The following CDH4 variants were observed in gnomAD, a reference collection of about 807,000 sequenced individuals.
CDH4 encodes the protein cadherin-4.
CDH4 carries 33 observed loss-of-function variants against 86.0 expected under a neutral mutation model. That is an observed-to-expected ratio of 0.38 (90% CI 0.29 to 0.51). The LOEUF is 0.51. Ranked by LOEUF, CDH4 falls within the 20% of genes least tolerant of loss-of-function variation. The pLI is 0.86. For missense variants in CDH4, 1,114 were observed against 1,307.4 expected, an observed-to-expected ratio of 0.85 and a Z score of 2.28; for synonymous variants, 555 against 549.4, an observed-to-expected ratio of 1.01 and a Z score of -0.14.
chr20:61,597,482 C>T (rs946438135), intron 2 of CDH4, among the ~76,000 whole-genome samples: 2 of 152,260 alleles, frequency 1.3e-5, no homozygotes, highest in Admixed American at 6.5e-5. Flanking sequence ...GTACAGATTC[C>T]CCAATACCCC....
chr20:61,852,305 C>T (rs1260369366), intron 5 of CDH4, among the ~76,000 whole-genome samples: 6 of 151,882 alleles, frequency 4.0e-5, no homozygotes, highest in African/African-American at 1.4e-4. Flanking sequence ...CCCATCTCCC[C>T]TGGGGACTAA....
At chr20:61,476,728 G>A (rs1221933630) in intron 2 of CDH4, among the ~76,000 whole-genome samples, 2 of 152,170 alleles carry the variant, frequency 1.3e-5, no homozygotes, top group Admixed American at 6.5e-5. Context: ...TACCTTTATC[G>A]CTGTAAACTT....
chr20:61,844,904 AG>A, intron 5 of CDH4, 81 bp downstream of exon 5: 1 of 1,411,418 alleles, frequency 7.1e-7, no homozygotes, highest in East Asian at 2.4e-5. Context: ...TGCCCCCAGC[AG>A]GGCCATGCCT....
At chr20:61,410,715 T>C (rs1247477450) in intron 2 of CDH4, among the ~76,000 whole-genome samples, 1 of 150,544 alleles carries the variant, frequency 6.6e-6, no homozygotes. Flanking sequence ...ATCCATCCAT[T>C]CATCCATCCA....
In CDH4 at chr20:61,901,720, G is replaced by A. The variant is rs74976100; in HGVS notation, c.1188+6673G>A. 9.8e-3 allele frequency among the ~76,000 whole-genome samples: 1,498 copies of A among 152,330 alleles called. 45 individuals carry two copies. Among genetic ancestry groups the A allele is most frequent in the Admixed American group, 0.044 (672 of 15,308 alleles). On this transcript the variant is annotated intron_variant, in intron 8 of 15. Transcript: ENST00000614565. ...CGTCAAGGCCTCATTAGGACCAGCC[G>A]GACGCTTCTGAGTAAGCGGCAGCTC...
intron 2 of CDH4, among the ~76,000 whole-genome samples, chr20:61,665,175 C>G (rs2087308965): frequency 6.6e-6 from 1 of 152,234 alleles, no homozygotes; most frequent in Admixed American, 6.5e-5. Context: ...GTCTGTTGAG[C>G]TGATAGTGGC....
Position 61,418,224 on chromosome 20 carries a change from TCCC to T in CDH4, c.169+163288_169+163290del, listed in dbSNP as rs1311984728. Among the ~76,000 whole-genome samples, 32 of 118,068 alleles carry T rather than the reference TCCC, an allele frequency of 2.7e-4. No individual in the cohort carries two copies. The Middle Eastern group carries it at 0.014, about 52-fold the overall frequency. The allele number at this position is 118,068 out of a possible 152,430, so 77.5% of individuals were successfully genotyped here. ...TCTTTTTTTTCTTTTTTTTTTTTTT[TCCC>T]TGAGACAGAGTCTCGCTCTGTCCCC... On this transcript the variant is annotated intron_variant, in intron 2 of 15. Coordinates refer to ENST00000614565, the MANE Select transcript of CDH4 (RefSeq NM_001794.5).
At chr20:61,595,097 G>A (rs1024081136) in intron 2 of CDH4, among the ~76,000 whole-genome samples, 8 of 152,236 alleles carry the variant, frequency 5.3e-5, no homozygotes, top group African/African-American at 1.9e-4. Flanking sequence ...CGCAGCCTGT[G>A]GGCAGAGAAT....
intron 2 of CDH4, among the ~76,000 whole-genome samples, chr20:61,523,094 G>T (rs905820019): frequency 2.6e-5 from 4 of 152,220 alleles, no homozygotes; most frequent in African/African-American, 9.6e-5. Context: ...CATGCATCCT[G>T]CTGTCCAGAG....
chr20:61,313,308 C>G (rs537539229), intron 2 of CDH4, among the ~76,000 whole-genome samples: 4 of 152,326 alleles, frequency 2.6e-5, no homozygotes, highest in African/African-American at 9.6e-5. Flanking sequence ...GACCCAGAAG[C>G]AGCAGGGAGG....
At chr20:61,690,103 G>T (rs1000396333) in intron 2 of CDH4, among the ~76,000 whole-genome samples, 1 of 148,340 alleles carries the variant, frequency 6.7e-6, no homozygotes, top group Non-Finnish European at 1.5e-5. Flanking sequence ...AGGGACAGTG[G>T]TTTCTGAGGT....
Position 61,743,661 on chromosome 20 carries a change from G to A in CDH4, c.268G>A (p.Glu90Lys). 1.2e-6 allele frequency: 2 copies of A among 1,601,150 alleles called. No homozygotes were observed. Among genetic ancestry groups the A allele is most frequent in the Non-Finnish European group, 1.7e-6 (2 of 1,173,958 alleles). Residue 90 changes from glutamate (E) to lysine (K), a missense_variant, in exon 3 of 16, where the codon GAG becomes AAG. By Grantham distance (56) the Glu-to-Lys change is moderately conservative. Coordinates refer to ENST00000614565, the MANE Select transcript of CDH4 (RefSeq NM_001794.5). ...GADGTVFATR[E>K]LQVPSEQVAF... ...AGATGGGACAGTCTTCGCCACCCGG[G>A]AGCTGCAGGTCCCCTCCGAGCAGGT...
At chr20:61,521,913 T>G (rs1039658568) in intron 2 of CDH4, among the ~76,000 whole-genome samples, 9 of 152,210 alleles carry the variant, frequency 5.9e-5, no homozygotes, top group African/African-American at 2.2e-4. Context: ...CGGGCCACCT[T>G]GCTGTGACTC....
chr20:61,565,256 G>GGTGGTGGT (rs1600764161), intron 2 of CDH4, among the ~76,000 whole-genome samples: 3 of 95,884 alleles, frequency 3.1e-5, no homozygotes, highest in South Asian at 4.1e-4. Flanking sequence ...TGCTCTTGGT[G>GGTGGTGGT]ATGGTGGTGG....
At chr20:61,423,507 T>G (rs2085191705) in intron 2 of CDH4, among the ~76,000 whole-genome samples, 1 of 152,178 alleles carries the variant, frequency 6.6e-6, no homozygotes, top group Admixed American at 6.5e-5. Context: ...GACCCCTATC[T>G]CCATTTCTTT....
At chr20:61,362,401 CGTAGGGGAGA>C in intron 2 of CDH4, among the ~76,000 whole-genome samples, 1 of 140,452 alleles carries the variant, frequency 7.1e-6, no homozygotes, top group South Asian at 2.4e-4. Context: ...CCTAGGACAG[CGTAGGGGAGA>C]GCAGAGACGT....
Position 61,844,763 on chromosome 20 carries a change from C to T in CDH4, c.672C>T (p.Ser224=), listed in dbSNP as rs1284757372. The change falls in exon 5 of 16, where the codon TCC becomes TCT. Residue 224 remains serine, a synonymous_variant. Coordinates refer to ENST00000614565, the MANE Select transcript of CDH4 (RefSeq NM_001794.5). ...QPPMEVFSID[S]MSGRMYVTRP... is the part of the protein sequence containing the mutation. ...CCATGGAGGTCTTCAGCATTGACTC[C>T]ATGTCCGGCCGGATGTACGTCACAA... 1.2e-6 allele frequency: 2 copies of T among 1,614,038 alleles called. No individual in the cohort carries two copies. The highest frequency in any genetic ancestry group is 1.7e-5 in the Admixed American group (1 of 60,026).
chr20:61,373,610 G>A (rs1226209856), intron 2 of CDH4, among the ~76,000 whole-genome samples: 3 of 152,232 alleles, frequency 2.0e-5, no homozygotes, highest in Admixed American at 1.3e-4. Flanking sequence ...CCAGCAAAAC[G>A]GGATTAGAAC....
chr20:61,677,596 T>C (rs1307986036), intron 2 of CDH4, among the ~76,000 whole-genome samples: 2 of 137,354 alleles, frequency 1.5e-5, no homozygotes, highest in African/African-American at 5.5e-5. Context: ...CCCCCTCAGA[T>C]CCAAGTTAAG....
Sources: gnomAD v4.1 joint callset for allele counts (sites outside exome capture counted in the v4.1 genomes callset) on GRCh38, gnomAD v4.1.1 for gene constraint, MANE v1.5 for transcripts, NCBI Gene and HGNC (gene_info 2026-07-23, HGNC 2026-07-21) for gene names.